The following RIOK3 variants were observed in gnomAD, a reference collection of about 807,000 sequenced individuals.
RIOK3 encodes serine/threonine-protein kinase RIO3.
A neutral mutation model predicts 63.5 loss-of-function variants in RIOK3; 40 were observed. The observed-to-expected ratio is 0.63, with a 90% CI of 0.49 to 0.82. The LOEUF is 0.82. Among genes scored for constraint, RIOK3 ranks in the 40% least tolerant of loss-of-function variants. The pLI is 0.00. For synonymous variants in RIOK3, 193 were observed against 205.0 expected (o/e 0.94, Z 0.50); for missense variants, 557 against 637.0 (o/e 0.87, Z 1.35).
intron 11 of RIOK3, among the ~76,000 whole-genome samples, chr18:23,478,635 A>G (rs1446773907): frequency 1.3e-4 from 2 of 15,030 alleles, no homozygotes; most frequent in African/African-American, 3.6e-4. Context: ...ATATATATAT[A>G]TATATATATA....
At chr18:23,480,761 CT>C (rs1394178944) in intron 12 of RIOK3, among the ~76,000 whole-genome samples, 9 of 151,954 alleles carry the variant, frequency 5.9e-5, no homozygotes, top group African/African-American at 2.2e-4. Flanking sequence ...TGAGACCAGC[CT>C]GAGCAACATA....
intron 2 of RIOK3, among the ~76,000 whole-genome samples, chr18:23,463,479 G>A (rs1334760686): frequency 2.1e-5 from 3 of 145,526 alleles, no homozygotes; most frequent in East Asian, 2.0e-4. Context: ...GCACAATCTC[G>A]GCTCGGCACA....
chr18:23,459,981 A>T (rs1338416602), intron 1 of RIOK3, among the ~76,000 whole-genome samples: 1 of 152,236 alleles, frequency 6.6e-6, no homozygotes, highest in South Asian at 2.1e-4. Context: ...GGCGTGAGCC[A>T]CTGCACACGG....
In RIOK3 at chr18:23,466,290, G is replaced by C. The variant is rs753194579; in HGVS notation, c.687+14G>C. On this transcript the variant is annotated intron_variant, in intron 6 of 12. Coordinates refer to ENST00000339486, the MANE Select transcript of RIOK3 (RefSeq NM_003831.5). Reference sequence around the variant, plus strand: ...CATTCTACAGCAGTAAGGATTTATAGATTTTTTTTTTTCTTTTTTACTAGA... The same window carrying C: ...CATTCTACAGCAGTAAGGATTTATACATTTTTTTTTTTCTTTTTTACTAGA... 6 of 1,525,970 alleles carry C rather than the reference G, an allele frequency of 3.9e-6. No homozygotes were observed. The highest frequency in any genetic ancestry group is 5.2e-6 in the Non-Finnish European group (6 of 1,146,896). 94.5% of individuals were successfully genotyped at this position (1,525,970 alleles called of 1,614,324 possible).
intron 8 of RIOK3, among the ~76,000 whole-genome samples, chr18:23,474,223 TCTA>T (rs2057474574): frequency 6.6e-6 from 1 of 152,154 alleles, no homozygotes; most frequent in Non-Finnish European, 1.5e-5. Context: ...ACAAAATTCT[TCTA>T]CTGAGAGTTC....
chr18:23,464,086 A>G lies in RIOK3; in HGVS notation c.299A>G (p.Glu100Gly). 2 of 1,610,324 alleles carry G rather than the reference A, an allele frequency of 1.2e-6. No individual in the cohort carries two copies. ...TATGATGCACAGCTTAGGCGTGAAGAAAAAAAATTCAATGGAGATAGCAAA... is the reference window on the plus strand; with the variant it reads ...TATGATGCACAGCTTAGGCGTGAAGGAAAAAAATTCAATGGAGATAGCAAA... ...REYDAQLRRE[E>G]KKFNGDSKVS... The change falls in exon 3 of 13, where the codon GAA becomes GGA. Residue 100 changes from glutamate (E) to glycine (G), a missense_variant. Transcript: ENST00000339486.
In RIOK3 at chr18:23,464,104, A is replaced by G. The variant is rs1393175653; in HGVS notation, c.317A>G (p.Asp106Gly). The G allele has an allele frequency of 1.2e-6, 2 of 1,610,572 alleles. No homozygotes were observed. The highest frequency in any genetic ancestry group is 1.7e-6 in the Non-Finnish European group (2 of 1,178,654). ...LRREEKKFNG[D>G]SKVSISFENY... is the part of the protein sequence containing the mutation. ...CGTGAAGAAAAAAAATTCAATGGAG[A>G]TAGCAAAGGTATTATAACCTTATTG... The change falls in exon 3 of 13, where the codon GAT becomes GGT. Residue 106 changes from aspartate (D) to glycine (G), a missense_variant. By Grantham distance (94) the Asp-to-Gly change is moderately conservative (BLOSUM62 -1). Coordinates refer to ENST00000339486, the MANE Select transcript of RIOK3 (RefSeq NM_003831.5).
intron 1 of RIOK3, among the ~76,000 whole-genome samples, chr18:23,456,060 T>C (rs1363482058): frequency 6.6e-6 from 1 of 152,200 alleles, no homozygotes; most frequent in Non-Finnish European, 1.5e-5. Flanking sequence ...CCTCCCAAAG[T>C]GCTGGGATTA....
intron 7 of RIOK3, among the ~76,000 whole-genome samples, chr18:23,469,315 CT>C: frequency 3.7e-5 from 1 of 26,832 alleles, no homozygotes. Context: ...CTCTCTCTCT[CT>C]CTCTCTCTCT....
chr18:23,473,716 A>C (rs1333713907), intron 8 of RIOK3, 90 bp downstream of exon 8: 1 of 975,778 alleles, frequency 1.0e-6, no homozygotes, highest in African/African-American at 1.7e-5. Flanking sequence ...ACATTCATTT[A>C]TAGAAATAAT....
At chr18:23,455,999 T>C (rs1290073712) in intron 1 of RIOK3, among the ~76,000 whole-genome samples, 1 of 152,146 alleles carries the variant, frequency 6.6e-6, no homozygotes, top group East Asian at 1.9e-4. Flanking sequence ...GGTTTCACCA[T>C]GTTGGCCAGG....
At chr18:23,454,412 A>T (rs2057324594) in intron 1 of RIOK3, among the ~76,000 whole-genome samples, 1 of 152,336 alleles carries the variant, frequency 6.6e-6, no homozygotes, top group Admixed American at 6.5e-5. Context: ...AATTTTGTAA[A>T]AGTTCTCGTA....
At chr18:23,467,676 G>T in intron 7 of RIOK3, 150 bp downstream of exon 7, 1 of 575,828 alleles carries the variant, frequency 1.7e-6, no homozygotes. Flanking sequence ...GTATAGGAAT[G>T]TATAAAAAAC....
rs181341779 is a variant in RIOK3 at position 23,483,091 on chromosome 18, T to C, written c.*1812T>C. The C allele has an allele frequency of 5.3e-5, 8 of 152,344 alleles. No homozygotes were observed. In the East Asian group the frequency reaches 1.5e-3, roughly 29 times the overall value. The allele number at this position is 152,344 out of a possible 1,614,324, so 9.4% of individuals were successfully genotyped here. Reference sequence around the variant, plus strand: ...ACTGCTGTGTGGCATTCTTGGAGTGTGCTGTGAATGTGCTTTTTAAGAAAT... The same window carrying C: ...ACTGCTGTGTGGCATTCTTGGAGTGCGCTGTGAATGTGCTTTTTAAGAAAT... On this transcript the variant is annotated 3_prime_UTR_variant, in exon 13 of 13. Coordinates refer to ENST00000339486, the MANE Select transcript of RIOK3 (RefSeq NM_003831.5).
At chr18:23,453,636 A>G (rs935243024) in intron 1 of RIOK3, 134 bp downstream of exon 1, 3 of 771,530 alleles carry the variant, frequency 3.9e-6, no homozygotes, top group Non-Finnish European at 2.2e-6. Context: ...GCAAGGGGGC[A>G]CTGGCCGCGG....
At chr18:23,476,155 T>C (rs553866600) in intron 9 of RIOK3, among the ~76,000 whole-genome samples, 1 of 152,192 alleles carries the variant, frequency 6.6e-6, no homozygotes, top group Admixed American at 6.5e-5. Context: ...AGAGTGATGA[T>C]GAAAATTGAA....
rs1234672449 is a variant in RIOK3, at chr18:23,481,971, T to C, written c.*692T>C. 1 of 152,224 alleles carries C rather than the reference T, an allele frequency of 6.6e-6. No individual in the cohort carries two copies. Among genetic ancestry groups the C allele is most frequent in the Non-Finnish European group, 1.5e-5 (1 of 68,044 alleles). 9.4% of individuals were successfully genotyped at this position (152,224 alleles called of 1,614,324 possible). Reference sequence around the variant, plus strand: ...AGCTTTTTAACTATCCAGTCAACTTTCAGCTTTTCTACATTTAGGTAAAAT... The same window carrying C: ...AGCTTTTTAACTATCCAGTCAACTTCCAGCTTTTCTACATTTAGGTAAAAT... On this transcript the variant is annotated 3_prime_UTR_variant, in exon 13 of 13. Transcript: ENST00000339486.
chr18:23,458,111 C>G (rs1347631209), intron 1 of RIOK3, among the ~76,000 whole-genome samples: 2 of 149,360 alleles, frequency 1.3e-5, no homozygotes, highest in Non-Finnish European at 3.0e-5. Context: ...CACTGTGTTG[C>G]CCAGGCTGGT....
At chr18:23,480,133 C>T (rs1317645763) in intron 12 of RIOK3, among the ~76,000 whole-genome samples, 1 of 152,128 alleles carries the variant, frequency 6.6e-6, no homozygotes, top group African/African-American at 2.4e-5. Flanking sequence ...ATCTAGAGAA[C>T]CATGAAAAAG....
Sources: allele counts gnomAD v4.1 joint callset (sites outside exome capture counted in the v4.1 genomes callset), GRCh38; gene constraint gnomAD v4.1.1; transcripts MANE v1.5; gene names NCBI Gene and HGNC (gene_info 2026-07-23, HGNC 2026-07-21).